Variants in ARFIP1 observed in about 807,000 individuals in gnomAD.
ARFIP1 encodes the protein arfaptin-1.
A neutral mutation model predicts 42.5 loss-of-function variants in ARFIP1; 24 were observed. The ratio of observed to expected loss-of-function variants is 0.57; its 90% confidence interval spans 0.41 to 0.80. ARFIP1 has a LOEUF of 0.80. Among genes scored for constraint, ARFIP1 ranks in the 30% least tolerant of loss-of-function variants. The pLI, the probability that ARFIP1 is intolerant of heterozygous loss-of-function variation, is 0.00. For synonymous variants in ARFIP1, 141 were observed against 153.7 expected, an observed-to-expected ratio of 0.92 and a Z score of 0.61; for missense variants, 354 against 434.0, an observed-to-expected ratio of 0.82 and a Z score of 1.64.
intron 2 of ARFIP1, among the ~76,000 whole-genome samples, chr4:152,863,254 T>C (rs1010205155): frequency 9.2e-5 from 14 of 152,228 alleles, no homozygotes; most frequent in Non-Finnish European, 1.9e-4. Context: ...AGTCAGCTTT[T>C]ACATATTAGA....
intron 1 of ARFIP1, among the ~76,000 whole-genome samples, chr4:152,814,100 T>C (rs28637184): frequency 0.041 from 1,049 of 25,600 alleles, 1 homozygote; most frequent in East Asian, 0.071. Flanking sequence ...TCTTCTTCTT[T>C]TTTTTTTTTT....
At chr4:152,810,911 A>C (rs775158938) in intron 1 of ARFIP1, among the ~76,000 whole-genome samples, 4 of 151,802 alleles carry the variant, frequency 2.6e-5, no homozygotes, top group Non-Finnish European at 5.9e-5. Flanking sequence ...TGCTGTGCTT[A>C]TCTCTACTAT....
intron 8 of ARFIP1, among the ~76,000 whole-genome samples, chr4:152,894,468 C>A (rs1257577089): frequency 1.3e-5 from 2 of 152,116 alleles, no homozygotes; most frequent in Non-Finnish European, 2.9e-5. Flanking sequence ...AGAAAAAGAA[C>A]CCCTATTTCT....
chr4:152,892,797 T>G (rs967307319), intron 8 of ARFIP1, among the ~76,000 whole-genome samples: 1 of 152,224 alleles, frequency 6.6e-6, no homozygotes. Context: ...GATTTAGTTG[T>G]GTTTGCCTTT....
At chr4:152,868,649 A>G (rs538775680) in intron 3 of ARFIP1, among the ~76,000 whole-genome samples, 1 of 152,320 alleles carries the variant, frequency 6.6e-6, no homozygotes, top group South Asian at 2.1e-4. Flanking sequence ...ATGCAAGATT[A>G]AGAAACTGTA....
At chr4:152,826,903 A>G (rs1447291005) in intron 1 of ARFIP1, among the ~76,000 whole-genome samples, 1 of 152,226 alleles carries the variant, frequency 6.6e-6, no homozygotes, top group East Asian at 1.9e-4. Context: ...CCTTGAAGAC[A>G]TTATGTTAAG....
intron 1 of ARFIP1, among the ~76,000 whole-genome samples, chr4:152,780,754 G>GA (rs1232764793): frequency 6.6e-6 from 1 of 152,218 alleles, no homozygotes; most frequent in Non-Finnish European, 1.5e-5. Context: ...TTTGGAAAGG[G>GA]AGTTGTTCGA....
At chr4:152,855,093 T>C (rs1253503052) in intron 2 of ARFIP1, among the ~76,000 whole-genome samples, 1 of 152,168 alleles carries the variant, frequency 6.6e-6, no homozygotes, top group Non-Finnish European at 1.5e-5. Context: ...TGGCAGTGGC[T>C]GTGATGGGCT....
chr4:152,797,375 T>C (rs1731532768), intron 1 of ARFIP1, among the ~76,000 whole-genome samples: 1 of 152,230 alleles, frequency 6.6e-6, no homozygotes, highest in Non-Finnish European at 1.5e-5. Flanking sequence ...TTTTTGGTGT[T>C]GTAGTGTTTG....
intron 5 of ARFIP1, among the ~76,000 whole-genome samples, chr4:152,879,393 G>A (rs1237313296): frequency 1.3e-5 from 2 of 152,122 alleles, no homozygotes; most frequent in South Asian, 2.1e-4. Context: ...TTGAAGGAAA[G>A]TCTAGTATAC....
At chr4:152,861,227 C>A (rs1223064817) in intron 2 of ARFIP1, among the ~76,000 whole-genome samples, 1 of 152,162 alleles carries the variant, frequency 6.6e-6, no homozygotes, top group Non-Finnish European at 1.5e-5. Flanking sequence ...CCAGAGAGTC[C>A]TCCAAAGATG....
chr4:152,884,305 T>C (rs1736095984), intron 7 of ARFIP1, among the ~76,000 whole-genome samples: 1 of 151,952 alleles, frequency 6.6e-6, no homozygotes. Context: ...TCAGTGTAAA[T>C]CCTTTCATGG....
intron 1 of ARFIP1, among the ~76,000 whole-genome samples, chr4:152,781,918 T>C (rs1257661364): frequency 6.6e-6 from 1 of 152,230 alleles, no homozygotes. Context: ...TTTGTTTGAG[T>C]GAATTTTTTT....
At chr4:152,820,024 A>G (rs980720648) in intron 1 of ARFIP1, among the ~76,000 whole-genome samples, 2 of 151,958 alleles carry the variant, frequency 1.3e-5, no homozygotes, top group Admixed American at 1.3e-4. Flanking sequence ...CTGCAGATGA[A>G]AAGAGGTGCC....
At chr4:152,847,204 C>A (rs1188980839) in intron 2 of ARFIP1, among the ~76,000 whole-genome samples, 1 of 130,722 alleles carries the variant, frequency 7.6e-6, no homozygotes, top group African/African-American at 2.9e-5. Context: ...GTGATCTCGG[C>A]TCACTGCAAC....
intron 1 of ARFIP1, chr4:152,796,793 A>G (rs963871195): frequency 2.8e-5 from 19 of 690,806 alleles, no homozygotes; most frequent in Admixed American, 2.2e-4. Flanking sequence ...TCCAAATGGT[A>G]TAGCATTTAT....
At position 152,859,084 on chromosome 4, in the gene ARFIP1, G is replaced by A. The variant is rs1479017794; in HGVS notation, c.94-4522G>A. 4.0e-5 allele frequency among the ~76,000 whole-genome samples: 6 copies of A among 151,770 alleles called. No homozygotes were observed. The South Asian group carries it at 6.2e-4, about 16-fold the overall frequency. On this transcript the variant is annotated intron_variant, in intron 2 of 8. Transcript: ENST00000353617. ...TTTTTTGTTTTTGTTTTTGTTTGAG[G>A]CAGGATCTGGCTCTGCTGCCCAGTC...
At chr4:152,896,690 A>G (rs1201931006) in intron 8 of ARFIP1, among the ~76,000 whole-genome samples, 1 of 152,122 alleles carries the variant, frequency 6.6e-6, no homozygotes, top group African/African-American at 2.4e-5. Context: ...TGAACCACAT[A>G]TATGTCTTAC....
At chr4:152,807,593 C>G (rs1256569709) in intron 1 of ARFIP1, among the ~76,000 whole-genome samples, 1 of 152,056 alleles carries the variant, frequency 6.6e-6, no homozygotes, top group Non-Finnish European at 1.5e-5. Flanking sequence ...ACGTTTTGGC[C>G]ATTTTTCATT....
Sources: gnomAD v4.1 joint callset for allele counts (sites outside exome capture counted in the v4.1 genomes callset) on GRCh38, gnomAD v4.1.1 for gene constraint, MANE v1.5 for transcripts, NCBI Gene and HGNC (gene_info 2026-07-23, HGNC 2026-07-21) for gene names.